IL12RB2: variants seen among roughly 807,000 people sequenced by gnomAD.
IL12RB2 encodes interleukin-12 receptor subunit beta-2.
IL12RB2 carries 82 observed loss-of-function variants against 89.4 expected under a neutral mutation model. That is an observed-to-expected ratio of 0.92 (90% CI 0.77 to 1.10). The LOEUF (loss-of-function observed/expected upper bound fraction) is 1.10. IL12RB2 is among the 50% of genes least tolerant of loss of function. The pLI is 0.00. For synonymous variants in IL12RB2, 368 were observed against 370.1 expected (o/e 0.99, Z 0.07); for missense variants, 963 against 1,031.9 (o/e 0.93, Z 0.92).
chr1:67,374,818 A>T (rs558323503), intron 13 of IL12RB2, among the ~76,000 whole-genome samples: 98 of 120,218 alleles, frequency 8.2e-4, no homozygotes, highest in South Asian at 2.8e-3. Context: ...ACAGTAAGCC[A>T]TCTACTTTAA....
intron 9 of IL12RB2, among the ~76,000 whole-genome samples, chr1:67,342,680 T>C (rs1371972032): frequency 6.6e-6 from 1 of 152,022 alleles, no homozygotes; most frequent in Non-Finnish European, 1.5e-5. Flanking sequence ...TTATGGCTTG[T>C]CACTCCTTTT....
At chr1:67,392,896 G>A (rs1376358778) in intron 16 of IL12RB2, among the ~76,000 whole-genome samples, 1 of 152,060 alleles carries the variant, frequency 6.6e-6, no homozygotes, top group Non-Finnish European at 1.5e-5. Context: ...AGTGTTGGGA[G>A]TACAGGCATG....
At chr1:67,386,208 C>CAAA (rs755471388) in intron 14 of IL12RB2, among the ~76,000 whole-genome samples, 780 of 53,832 alleles carry the variant, frequency 0.014, 32 homozygotes, top group Middle Eastern at 0.036. Flanking sequence ...GACTCCATCT[C>CAAA]AAAAAAAAAA....
chr1:67,311,540 A>G (rs1655061966), intron 1 of IL12RB2, among the ~76,000 whole-genome samples: 1 of 152,244 alleles, frequency 6.6e-6, no homozygotes, highest in Non-Finnish European at 1.5e-5. Context: ...ACCAAATATT[A>G]ACAACTAAAT....
At chr1:67,368,056 G>A (rs1460655421) in intron 11 of IL12RB2, 31 bp downstream of exon 11, 4 of 1,369,844 alleles carry the variant, frequency 2.9e-6, no homozygotes, top group South Asian at 1.2e-5. Flanking sequence ...CTTCTAGAGG[G>A]TTACTAAGTT....
chr1:67,356,501 G>T (rs1220344040), intron 10 of IL12RB2, among the ~76,000 whole-genome samples: 1 of 152,128 alleles, frequency 6.6e-6, no homozygotes, highest in African/African-American at 2.4e-5. Flanking sequence ...CATCCCATGG[G>T]CCTGGCAGTT....
chr1:67,326,810 G>A lies in IL12RB2; in HGVS notation c.440G>A (p.Arg147Lys), dbSNP rs375735725. 4 of 1,613,838 alleles carry A rather than the reference G, an allele frequency of 2.5e-6. No homozygotes were observed. The South Asian group carries it at 3.3e-5, about 13-fold the overall frequency. ...EQGTVACTWE[R>K]GRDTHLYTEY... ...GGGACTGTGGCCTGCACCTGGGAAAGAGGACGAGACACCCACTTATACACT... is the reference window on the plus strand; with the variant it reads ...GGGACTGTGGCCTGCACCTGGGAAAAAGGACGAGACACCCACTTATACACT... Residue 147 changes from arginine to lysine, a missense_variant, in exon 5 of 17, where the codon AGA becomes AAA. Arg to Lys is a conservative substitution (Grantham distance 26). Coordinates refer to ENST00000674203, the MANE Select transcript of IL12RB2 (RefSeq NM_001374259.2).
intron 3 of IL12RB2, 134 bp from the exon 4 acceptor site, chr1:67,321,468 A>C (rs1036796417): frequency 1.4e-6 from 1 of 710,670 alleles, no homozygotes; most frequent in Non-Finnish European, 2.6e-6. Flanking sequence ...TTATAACCAG[A>C]GACATGTAGG....
At chr1:67,340,901 G>T (rs550723156) in intron 9 of IL12RB2, among the ~76,000 whole-genome samples, 61 of 152,236 alleles carry the variant, frequency 4.0e-4, no homozygotes, top group Admixed American at 3.7e-3. Context: ...TTCTAGTTCA[G>T]CCTTCCTTTC....
intron 16 of IL12RB2, among the ~76,000 whole-genome samples, chr1:67,394,927 C>T (rs969609905): frequency 1.3e-5 from 2 of 152,152 alleles, no homozygotes; most frequent in African/African-American, 4.8e-5. Context: ...TTTGCATCTC[C>T]AGTGCCCTCT....
chr1:67,308,944 C>T (rs545133521), intron 1 of IL12RB2, among the ~76,000 whole-genome samples: 13 of 151,968 alleles, frequency 8.6e-5, no homozygotes, highest in East Asian at 3.9e-4. Context: ...TGCTTGAACC[C>T]GGGAGACAGA....
intron 9 of IL12RB2, among the ~76,000 whole-genome samples, chr1:67,345,639 AC>A (rs1660134842): frequency 6.6e-6 from 1 of 152,246 alleles, no homozygotes; most frequent in African/African-American, 2.4e-5. Flanking sequence ...ATATTTAAAT[AC>A]AAAAGCAGCA....
At chr1:67,327,778 C>T (rs1004031302) in intron 5 of IL12RB2, among the ~76,000 whole-genome samples, 2 of 152,156 alleles carry the variant, frequency 1.3e-5, no homozygotes, top group Non-Finnish European at 2.9e-5. Context: ...TCTATTGACA[C>T]GCGGGTCTCA....
intron 8 of IL12RB2, among the ~76,000 whole-genome samples, chr1:67,333,516 T>C (rs1303573237): frequency 6.6e-6 from 1 of 152,142 alleles, no homozygotes; most frequent in Admixed American, 6.5e-5. Flanking sequence ...TTGGTGTAGT[T>C]GTTTATATCA....
chr1:67,381,063 T>C (rs1664516844), intron 14 of IL12RB2, among the ~76,000 whole-genome samples: 1 of 152,194 alleles, frequency 6.6e-6, no homozygotes, highest in South Asian at 2.1e-4. Flanking sequence ...ATTACATGGT[T>C]ATACCTACCC....
chr1:67,379,999 A>T lies in IL12RB2; in HGVS notation c.1731A>T (p.Arg577Ser), dbSNP rs1467125036. ...TCTTCCTTTCAGAAATTCCCTACAG[A>T]GTCTCCCAAAATTCACATCCAATAA... ...SQPQLCEIPY[R>S]VSQNSHPINS... Residue 577 changes from arginine to serine, a missense_variant, in exon 14 of 17, where the codon AGA becomes AGT. Physicochemically the swap from Arg to Ser is moderately radical, Grantham distance 110. Coordinates refer to ENST00000674203, the MANE Select transcript of IL12RB2 (RefSeq NM_001374259.2). The T allele has an allele frequency of 5.0e-6, 8 of 1,610,868 alleles. No individual in the cohort carries two copies. The highest frequency in any genetic ancestry group is 1.7e-4 in the Middle Eastern group (1 of 6,052).
intron 4 of IL12RB2, among the ~76,000 whole-genome samples, chr1:67,324,318 G>A (rs981378661): frequency 1.3e-5 from 2 of 152,170 alleles, no homozygotes; most frequent in East Asian, 1.9e-4. Context: ...TGCCTCCTGG[G>A]CTCAAGCAAT....
In IL12RB2 at chr1:67,329,604, TG is replaced by T; in HGVS notation, c.685del (p.Asp229ThrfsTer11). ...FLDIVRPLPPWDIRIKFQKAS... is the reference protein window; with the variant it reads ...FLDIVRPLPPXDIRIKFQKAS... ...GTTACTAGTGAGGCCTCTTCCTCCG[TG>T]GGACATTAGAATCAAATTTCAAAAG... On this transcript the variant is annotated frameshift_variant, in exon 7 of 17. Transcript: ENST00000674203. LOFTEE classifies it high-confidence loss of function. 1 of 1,588,260 alleles carries T rather than the reference TG, an allele frequency of 6.3e-7. No individual in the cohort carries two copies. The highest frequency in any genetic ancestry group is 8.6e-7 in the Non-Finnish European group (1 of 1,156,230).
intron 2 of IL12RB2, 129 bp from the exon 3 acceptor site, chr1:67,320,204 T>C: frequency 7.0e-7 from 1 of 1,431,414 alleles, no homozygotes; most frequent in Admixed American, 2.1e-5. Flanking sequence ...GTACATGTCA[T>C]TTTTTAAAAT....
Sources: gnomAD v4.1 joint callset for allele counts (sites outside exome capture counted in the v4.1 genomes callset) on GRCh38, gnomAD v4.1.1 for gene constraint, MANE v1.5 for transcripts, NCBI Gene and HGNC (gene_info 2026-07-23, HGNC 2026-07-21) for gene names.